MALRD1: variants seen among roughly 807,000 people sequenced by gnomAD.
The protein encoded by MALRD1 is MAM and LDL receptor class A domain containing 1.
Under a neutral mutation model 242.1 loss-of-function variants are expected in MALRD1, and 247 were observed. The ratio of observed to expected loss-of-function variants is 1.02; its 90% CI spans 0.92 to 1.13. The LOEUF (loss-of-function observed/expected upper bound fraction) is 1.13. Among genes scored for constraint, MALRD1 ranks in the 50% most tolerant of loss-of-function variants. The pLI is 0.00. For synonymous variants in MALRD1, 995 were observed against 866.6 expected, an observed-to-expected ratio of 1.15 and a Z score of -2.60; for missense variants, 2,989 against 2,533.1, an observed-to-expected ratio of 1.18 and a Z score of -3.86.
At chr10:19,527,484 C>G (rs1834155477) in intron 31 of MALRD1, among the ~76,000 whole-genome samples, 2 of 152,144 alleles carry the variant, frequency 1.3e-5, no homozygotes, top group Non-Finnish European at 2.9e-5. Flanking sequence ...AACCTAATTA[C>G]TAATTTACCT....
intron 32 of MALRD1, among the ~76,000 whole-genome samples, chr10:19,542,205 A>C (rs1835001861): frequency 6.6e-6 from 1 of 152,168 alleles, no homozygotes; most frequent in Admixed American, 6.5e-5. Context: ...GAAAGAACCT[A>C]AATCAGCTTC....
At chr10:19,640,995 A>C (rs1274021153) in intron 36 of MALRD1, among the ~76,000 whole-genome samples, 1 of 152,196 alleles carries the variant, frequency 6.6e-6, no homozygotes, top group Non-Finnish European at 1.5e-5. Context: ...TGCCATGTAC[A>C]TTTATTTATC....
intron 21 of MALRD1, among the ~76,000 whole-genome samples, chr10:19,285,029 T>G (rs1841036450): frequency 1.9e-5 from 2 of 105,850 alleles, no homozygotes; most frequent in Non-Finnish European, 1.8e-5. Flanking sequence ...TTCATGTGTT[T>G]TTTGGCTGCA....
chr10:19,693,223 A>G (rs1419333211), intron 38 of MALRD1, among the ~76,000 whole-genome samples: 1 of 151,892 alleles, frequency 6.6e-6, no homozygotes, highest in Non-Finnish European at 1.5e-5. Context: ...AGTTCTGGCC[A>G]GGGCAATCAG....
At position 19,238,429 on chromosome 10, in the gene MALRD1, A is replaced by G. The variant is rs1221621694; in HGVS notation, c.2992-19255A>G. On this transcript the variant is annotated intron_variant, in intron 18 of 39. Transcript: ENST00000454679. ...ATGTATAATATATAATATACATTAT[A>G]TATAATATATAATATACATTATATA... 7.0e-3 allele frequency among the ~76,000 whole-genome samples: 522 copies of G among 74,158 alleles called. 51 individuals carry two copies. The highest frequency in any genetic ancestry group is 0.028 in the African/African-American group (485 of 17,388). The allele number at this position is 74,158 out of a possible 152,430, so 48.7% of individuals were successfully genotyped here. A position where few individuals can be genotyped will look rare whatever the true frequency, so the allele number is the denominator to read the frequency against.
intron 28 of MALRD1, among the ~76,000 whole-genome samples, chr10:19,403,623 T>G (rs1039926048): frequency 2.6e-5 from 4 of 152,138 alleles, no homozygotes; most frequent in African/African-American, 9.7e-5. Context: ...TATTTTTATG[T>G]GAATTCATGG....
chr10:19,491,335 T>TA, intron 29 of MALRD1, 182 bp from the exon 30 acceptor site: 3 of 761,690 alleles, frequency 3.9e-6, no homozygotes, highest in Non-Finnish European at 6.4e-6. Flanking sequence ...AGAGTCTATA[T>TA]AACTTGCTGA....
intron 12 of MALRD1, among the ~76,000 whole-genome samples, chr10:19,157,043 T>A (rs1392241616): frequency 6.6e-6 from 1 of 152,076 alleles, no homozygotes; most frequent in Admixed American, 6.6e-5. Context: ...AGAAGAGATA[T>A]TTGTTTTTCA....
chr10:19,653,888 C>G (rs565288480), intron 36 of MALRD1, among the ~76,000 whole-genome samples: 1 of 152,220 alleles, frequency 6.6e-6, no homozygotes, highest in African/African-American at 2.4e-5. Flanking sequence ...TTTGGGCACT[C>G]CTTTGCTGCT....
chr10:19,701,167 T>C (rs1305660440), intron 38 of MALRD1, among the ~76,000 whole-genome samples: 1 of 151,630 alleles, frequency 6.6e-6, no homozygotes, highest in African/African-American at 2.4e-5. Context: ...TAACATAAAA[T>C]AAATTAAAAA....
intron 35 of MALRD1, among the ~76,000 whole-genome samples, chr10:19,609,623 C>T (rs1482986373): frequency 2.6e-5 from 4 of 152,050 alleles, no homozygotes; most frequent in Non-Finnish European, 4.4e-5. Context: ...GAACATTAAT[C>T]TCCGGCACTG....
intron 33 of MALRD1, 27 bp from the exon 34 acceptor site, chr10:19,595,167 A>G: frequency 6.5e-7 from 1 of 1,533,656 alleles, no homozygotes. Flanking sequence ...CTAATGCCAA[A>G]ATAACTTGAC....
chr10:19,439,199 T>C (rs1834497017), intron 28 of MALRD1, among the ~76,000 whole-genome samples: 1 of 145,952 alleles, frequency 6.9e-6, no homozygotes, highest in Non-Finnish European at 1.5e-5. Flanking sequence ...TTGTTAAACA[T>C]TGTTCTGAAA....
intron 4 of MALRD1, among the ~76,000 whole-genome samples, chr10:19,103,556 A>AAAAAAAT (rs1419729124): frequency 2.1e-5 from 3 of 146,222 alleles, no homozygotes; most frequent in Admixed American, 1.3e-4. Flanking sequence ...CGTCTCAAAA[A>AAAAAAAT]AAAAAAAAAT....
At chr10:19,535,395 C>T (rs1385016349) in intron 32 of MALRD1, among the ~76,000 whole-genome samples, 2 of 151,478 alleles carry the variant, frequency 1.3e-5, no homozygotes, top group Non-Finnish European at 2.9e-5. Context: ...TACTAGTATG[C>T]AATTTTTTAA....
intron 32 of MALRD1, among the ~76,000 whole-genome samples, chr10:19,534,836 G>A (rs1834584052): frequency 6.6e-6 from 1 of 151,620 alleles, no homozygotes; most frequent in African/African-American, 2.4e-5. Flanking sequence ...ATGAAATAAA[G>A]ATAGATATAT....
At chr10:19,495,352 T>C (rs1001078667) in intron 30 of MALRD1, among the ~76,000 whole-genome samples, 3 of 151,402 alleles carry the variant, frequency 2.0e-5, no homozygotes, top group Non-Finnish European at 4.4e-5. Context: ...ACAGGTCACC[T>C]ACAAAGGGAA....
rs570177599 is a variant in MALRD1 at position 19,324,009 on chromosome 10, G to A, written c.3480G>A (p.Thr1160=). Residue 1160 remains threonine (T), a synonymous_variant, in exon 22 of 40, where the codon ACG becomes ACA. Coordinates refer to ENST00000454679, the MANE Select transcript of MALRD1 (RefSeq NM_001142308.3). ...GTTCTAATGGGAAATTTGGTGACAC[G>A]GCTGACATTCTCACTCCTATCATTT... ...ADSSNGKFGD[T]ADILTPIISL... is the part of the protein sequence containing the mutation. 7.1e-6 allele frequency: 11 copies of A among 1,550,748 alleles called. No homozygotes were observed. In the East Asian group the frequency reaches 7.3e-5, roughly 10 times the overall value.
intron 33 of MALRD1, among the ~76,000 whole-genome samples, chr10:19,592,395 C>G (rs930327718): frequency 3.9e-5 from 6 of 152,212 alleles, no homozygotes; most frequent in East Asian, 1.9e-4. Flanking sequence ...CATCTTATCT[C>G]CAACTCACCA....
Sources: gnomAD v4.1 joint callset for allele counts (sites outside exome capture counted in the v4.1 genomes callset) on GRCh38, gnomAD v4.1.1 for gene constraint, MANE v1.5 for transcripts, NCBI Gene and HGNC (gene_info 2026-07-23, HGNC 2026-07-21) for gene names.